Variants in CSRNP3 observed in about 807,000 individuals in gnomAD.
CSRNP3 encodes cysteine/serine-rich nuclear protein 3.
A neutral mutation model predicts 48.0 loss-of-function variants in CSRNP3; 12 were observed. The ratio of observed to expected loss-of-function variants is 0.25; its 90% CI spans 0.16 to 0.41. The LOEUF (loss-of-function observed/expected upper bound fraction) is 0.41. Ranked by LOEUF, CSRNP3 falls within the 10% of genes least tolerant of loss-of-function variation. The pLI is 1.00. For synonymous variants in CSRNP3, 263 were observed against 269.7 expected, an observed-to-expected ratio of 0.98 and a Z score of 0.24; for missense variants, 580 against 724.4, an observed-to-expected ratio of 0.80 and a Z score of 2.29.
At chr2:165,525,541 C>T (rs1684721206) in intron 3 of CSRNP3, among the ~76,000 whole-genome samples, 1 of 145,282 alleles carries the variant, frequency 6.9e-6, no homozygotes, top group Non-Finnish European at 1.5e-5. Flanking sequence ...GGCTGGAGTG[C>T]AGTGGTGCGA....
intron 2 of CSRNP3, 47 bp downstream of exon 2, chr2:165,494,975 A>G (rs1684266500): frequency 6.5e-6 from 1 of 152,700 alleles, no homozygotes; most frequent in East Asian, 1.9e-4. Context: ...ATTGTGTTGC[A>G]TGGGCCACTC....
chr2:165,609,282 C>T (rs1356684656), intron 4 of CSRNP3, among the ~76,000 whole-genome samples: 4 of 146,586 alleles, frequency 2.7e-5, no homozygotes, highest in Non-Finnish European at 6.0e-5. Flanking sequence ...GATGAAACCC[C>T]GTCTCTACTA....
At chr2:165,664,610 C>A (rs1380950886) in intron 5 of CSRNP3, among the ~76,000 whole-genome samples, 1 of 152,178 alleles carries the variant, frequency 6.6e-6, no homozygotes, top group Admixed American at 6.5e-5. Context: ...CACTGATCCT[C>A]CTGGGGCATG....
At chr2:165,673,702 CAACCATTTTTTAAAAATTAGGCTGAT>C (rs1208090335) in intron 5 of CSRNP3, among the ~76,000 whole-genome samples, 1 of 152,052 alleles carries the variant, frequency 6.6e-6, no homozygotes, top group Non-Finnish European at 1.5e-5. Context: ...TATCTGATAA[CAACCATTTTTTAAAAATTAGGCTGAT>C]AACCATTTTT....
intron 4 of CSRNP3, among the ~76,000 whole-genome samples, chr2:165,636,600 T>C (rs527464320): frequency 2.0e-5 from 3 of 152,320 alleles, no homozygotes; most frequent in African/African-American, 7.2e-5. Flanking sequence ...TCACTAGAAC[T>C]AAATGAACAA....
At chr2:165,531,233 G>C (rs368173316) in intron 3 of CSRNP3, among the ~76,000 whole-genome samples, 3 of 152,172 alleles carry the variant, frequency 2.0e-5, no homozygotes, top group South Asian at 4.2e-4. Context: ...TAAGGACCTT[G>C]GTTTCAGAGT....
At position 165,600,755 on chromosome 2, in the gene CSRNP3, T is replaced by C. The variant is rs1347473688; in HGVS notation, c.148+5542T>C. Among the ~76,000 whole-genome samples, 7 of 152,244 alleles carry C rather than the reference T, an allele frequency of 4.6e-5. 1 individual carries two copies. In the East Asian group the frequency reaches 1.3e-3, roughly 29 times the overall value. Reference sequence around the variant, plus strand: ...TTCTTTTGAGAAGTGTCTGTTCATGTCCTTCAGTGTGGTTGCCCTTATTTA... The same window carrying C: ...TTCTTTTGAGAAGTGTCTGTTCATGCCCTTCAGTGTGGTTGCCCTTATTTA... On this transcript the variant is annotated intron_variant, in intron 4 of 6. Coordinates refer to ENST00000651982, the MANE Select transcript of CSRNP3 (RefSeq NM_001172173.2).
chr2:165,529,764 T>C (rs1684787710), intron 3 of CSRNP3, among the ~76,000 whole-genome samples: 1 of 152,188 alleles, frequency 6.6e-6, no homozygotes, highest in Non-Finnish European at 1.5e-5. Flanking sequence ...TCAGAACATA[T>C]AGCATAGTGT....
At chr2:165,631,555 G>A (rs988442831) in intron 4 of CSRNP3, among the ~76,000 whole-genome samples, 1 of 152,108 alleles carries the variant, frequency 6.6e-6, no homozygotes, top group Non-Finnish European at 1.5e-5. Flanking sequence ...TTAATGTACT[G>A]TGGATATTAA....
intron 1 of CSRNP3, among the ~76,000 whole-genome samples, chr2:165,473,854 A>G (rs1020600931): frequency 6.6e-6 from 1 of 152,176 alleles, no homozygotes; most frequent in Non-Finnish European, 1.5e-5. Context: ...AACACTCAAT[A>G]TAACTTGTAA....
intron 3 of CSRNP3, among the ~76,000 whole-genome samples, chr2:165,568,919 T>C (rs1246483076): frequency 6.6e-6 from 1 of 152,056 alleles, no homozygotes; most frequent in Non-Finnish European, 1.5e-5. Context: ...TTAGCAGATA[T>C]ATTGAAAATA....
At chr2:165,658,250 G>A (rs73972127) in intron 5 of CSRNP3, among the ~76,000 whole-genome samples, 2,012 of 152,072 alleles carry the variant, frequency 0.013, 48 homozygotes, top group African/African-American at 0.046. Context: ...ATTGAATATT[G>A]TGAGATCATA....
intron 3 of CSRNP3, among the ~76,000 whole-genome samples, chr2:165,533,924 T>A (rs1043216344): frequency 1.3e-5 from 2 of 152,062 alleles, no homozygotes; most frequent in Admixed American, 6.6e-5. Flanking sequence ...TAAATGTTAC[T>A]GTTTTCAACA....
At position 165,656,840 on chromosome 2, in the gene CSRNP3, A is replaced by G. The variant is rs147090781; in HGVS notation, c.149-921A>G. Among the ~76,000 whole-genome samples, 344 of 152,214 alleles carry G rather than the reference A, an allele frequency of 2.3e-3. 2 individuals carry two copies. Among genetic ancestry groups the G allele is most frequent in the African/African-American group, 7.7e-3 (319 of 41,522 alleles). The stretch of plus-strand genomic sequence containing the variant: ...GATCCGAGGTATGAGGGTTTGTACT[A>G]TGTGTCTTTTTTGATTATAGTATAA... On this transcript the variant is annotated intron_variant, in intron 4 of 6. Transcript: ENST00000651982.
At chr2:165,563,970 T>C (rs1236918888) in intron 3 of CSRNP3, among the ~76,000 whole-genome samples, 1 of 151,822 alleles carries the variant, frequency 6.6e-6, no homozygotes, top group East Asian at 1.9e-4. Flanking sequence ...TCATGCAGGG[T>C]TTGGCAGCTG....
intron 3 of CSRNP3, among the ~76,000 whole-genome samples, chr2:165,579,843 A>G (rs992699220): frequency 6.6e-6 from 1 of 151,990 alleles, no homozygotes; most frequent in African/African-American, 2.4e-5. Flanking sequence ...TTTTAATAGT[A>G]GCATACCTAG....
intron 2 of CSRNP3, 106 bp from the exon 3 acceptor site, chr2:165,517,767 T>C (rs933692964): frequency 1.3e-5 from 2 of 152,420 alleles, no homozygotes; most frequent in Non-Finnish European, 2.9e-5. Context: ...GTTTAAGATT[T>C]CTATTGATTT....
rs1384242872 is a variant in CSRNP3 at position 165,587,412 on chromosome 2, A to G, written c.-23-7631A>G. On this transcript the variant is annotated intron_variant, in intron 3 of 6. Coordinates refer to ENST00000651982, the MANE Select transcript of CSRNP3 (RefSeq NM_001172173.2). The stretch of plus-strand genomic sequence containing the variant: ...AATGCAATTGAGTCTCTGGAGTAGT[A>G]CCCAGCCAGGTGGCCCCCTGTTCAC... 3.3e-5 allele frequency among the ~76,000 whole-genome samples: 5 copies of G among 152,324 alleles called. No homozygotes were observed. The South Asian group carries it at 1.0e-3, about 32-fold the overall frequency.
chr2:165,629,443 G>A (rs1686495291), intron 4 of CSRNP3, among the ~76,000 whole-genome samples: 1 of 152,200 alleles, frequency 6.6e-6, no homozygotes, highest in African/African-American at 2.4e-5. Flanking sequence ...TCCAGTTTGT[G>A]CATCTCATTC....
Sources: allele counts gnomAD v4.1 joint callset (sites outside exome capture counted in the v4.1 genomes callset), GRCh38; gene constraint gnomAD v4.1.1; transcripts MANE v1.5; gene names NCBI Gene and HGNC (gene_info 2026-07-23, HGNC 2026-07-21).